Variants in ACACA observed in about 807,000 individuals in gnomAD.
ACACA encodes the protein acetyl-CoA carboxylase 1.
In ACACA, 103 loss-of-function variants were observed where a neutral mutation model predicts 296.1. The ratio of observed to expected loss-of-function variants is 0.35; its 90% confidence interval spans 0.30 to 0.41. The LOEUF (loss-of-function observed/expected upper bound fraction) is 0.41. ACACA is among the 10% of genes least tolerant of loss of function. ACACA has a pLI of 1.00. For missense variants in ACACA, 1,554 were observed against 2,989.7 expected (o/e 0.52, Z 11.20); for synonymous variants, 953 against 1,038.6 (o/e 0.92, Z 1.58).
At chr17:37,131,437 C>T (rs556499518) in intron 45 of ACACA, among the ~76,000 whole-genome samples, 1 of 152,128 alleles carries the variant, frequency 6.6e-6, no homozygotes, top group South Asian at 2.1e-4. Context: ...TAAGGTAGCC[C>T]CGGAGAGCTC....
chr17:37,381,787 C>G (rs576187865), intron 1 of ACACA, among the ~76,000 whole-genome samples: 2 of 151,894 alleles, frequency 1.3e-5, no homozygotes, highest in African/African-American at 4.8e-5. Context: ...GCCACCACAC[C>G]CAGTTAATTT....
intron 45 of ACACA, among the ~76,000 whole-genome samples, chr17:37,137,949 T>C (rs2075399809): frequency 6.6e-6 from 1 of 152,262 alleles, no homozygotes; most frequent in Non-Finnish European, 1.5e-5. Context: ...TTGCATCTTA[T>C]GCTGTTGGTT....
At chr17:37,295,413 G>T (rs902372827) in intron 3 of ACACA, among the ~76,000 whole-genome samples, 3 of 152,156 alleles carry the variant, frequency 2.0e-5, no homozygotes, top group African/African-American at 7.2e-5. Context: ...CAAGTTCTTG[G>T]TGTTTTGAAC....
intron 21 of ACACA, among the ~76,000 whole-genome samples, chr17:37,244,073 C>T (rs115223724): frequency 0.025 from 3,828 of 151,912 alleles, 85 homozygotes; most frequent in African/African-American, 0.055. Context: ...TTAAAAAGGA[C>T]TAATCACGGG....
chr17:37,190,807 G>C (rs77953349), intron 38 of ACACA, among the ~76,000 whole-genome samples: 1,743 of 152,154 alleles, frequency 0.011, 39 homozygotes, highest in African/African-American at 0.038. Flanking sequence ...ATACAAAACA[G>C]GACCACTATT....
chr17:37,103,958 C>T (rs1032843402), intron 52 of ACACA, among the ~76,000 whole-genome samples: 1 of 152,072 alleles, frequency 6.6e-6, no homozygotes, highest in Non-Finnish European at 1.5e-5. Context: ...GCAGGAGGAT[C>T]GCTGGAGCCC....
chr17:37,299,381 T>A, intron 3 of ACACA: 1 of 1,613,568 alleles, frequency 6.2e-7, no homozygotes, highest in Non-Finnish European at 8.5e-7. Flanking sequence ...TTCGGCCTTG[T>A]AAACACAAGC....
At chr17:37,171,919 A>G (rs572054341) in intron 41 of ACACA, among the ~76,000 whole-genome samples, 3 of 152,158 alleles carry the variant, frequency 2.0e-5, no homozygotes, top group Non-Finnish European at 2.9e-5. Context: ...CCCAGGATTA[A>G]TTGGTTGGTA....
chr17:37,213,282 G>T (rs2078837056), intron 29 of ACACA, among the ~76,000 whole-genome samples: 1 of 150,782 alleles, frequency 6.6e-6, no homozygotes, highest in African/African-American at 2.4e-5. Context: ...CTTGAGCCAG[G>T]AGGCTGAGGT....
intron 9 of ACACA, among the ~76,000 whole-genome samples, 199 bp downstream of exon 9, chr17:37,273,994 C>G: frequency 6.6e-6 from 1 of 152,182 alleles, no homozygotes; most frequent in Non-Finnish European, 1.5e-5. Flanking sequence ...GTCACTTCCT[C>G]AATCTGTACT....
intron 50 of ACACA, among the ~76,000 whole-genome samples, chr17:37,120,864 C>T (rs796386461): frequency 5.3e-5 from 8 of 152,294 alleles, no homozygotes; most frequent in African/African-American, 1.4e-4. Flanking sequence ...TATGCTGGAG[C>T]CACAGGCCCA....
At chr17:37,148,618 T>C (rs1043916526) in intron 45 of ACACA, among the ~76,000 whole-genome samples, 1 of 152,220 alleles carries the variant, frequency 6.6e-6, no homozygotes, top group Non-Finnish European at 1.5e-5. Flanking sequence ...AAACATAATA[T>C]CTGATACAAT....
At position 37,097,769 on chromosome 17, in the gene ACACA, C is replaced by T; in HGVS notation, c.6720+61G>A. On this transcript the variant is annotated intron_variant, in intron 53 of 55. Transcript: ENST00000616317. This position sits in a 1 kb window ranked among gnomAD's most constrained non-coding sequence, Gnocchi z 4.8. Reference sequence around the variant, plus strand: ...TCCCTGCTTATGAGCCTGTGTGCAACACACACACACACTTGCCCACATGTG... The same window carrying T: ...TCCCTGCTTATGAGCCTGTGTGCAATACACACACACACTTGCCCACATGTG... 1 of 1,391,568 alleles carries T rather than the reference C, an allele frequency of 7.2e-7. No individual in the cohort carries two copies. Among genetic ancestry groups the T allele is most frequent in the Non-Finnish European group, 1.0e-6 (1 of 1,003,530 alleles). The allele number at this position is 1,391,568 out of a possible 1,614,324, so 86.2% of individuals were successfully genotyped here. A position where few individuals can be genotyped will look rare whatever the true frequency, so the allele number is the denominator to read the frequency against.
chr17:37,289,644 G>A (rs765530497), intron 3 of ACACA: 58 of 541,846 alleles, frequency 1.1e-4, no homozygotes, highest in Non-Finnish European at 1.6e-4. Flanking sequence ...TGTGCTCTCC[G>A]GCAGTAATAT....
At chr17:37,132,731 C>T (rs180862645) in intron 45 of ACACA, among the ~76,000 whole-genome samples, 2 of 152,278 alleles carry the variant, frequency 1.3e-5, no homozygotes, top group East Asian at 3.9e-4. Context: ...GAATCTTACA[C>T]ATCTCCAAAA....
Position 37,129,451 on chromosome 17 carries a change from T to C in ACACA, c.5858A>G (p.Lys1953Arg). The C allele has an allele frequency of 6.2e-7, 1 of 1,614,116 alleles. No homozygotes were observed. The highest frequency in any genetic ancestry group is 1.1e-5 in the South Asian group (1 of 91,076). ...CTCGATGATTCTGTCTATAGGATCC[T>C]TTGAGTTCAGAAGAGGAACTGAACT... ...VHSSVPLLNS[K>R]DPIDRIIEFV... Residue 1953 changes from lysine to arginine, a missense_variant, in exon 47 of 56, where the codon AAG becomes AGG. By Grantham distance (26) the Lys-to-Arg change is conservative (BLOSUM62 2). Around this residue, in one of 16 missense-constraint regions of ACACA, gnomAD observed 553 missense variants for 1,043.6 expected, o/e 0.53. Coordinates refer to ENST00000616317, the MANE Select transcript of ACACA (RefSeq NM_198834.3).
Position 37,406,277 on chromosome 17 carries a change from G to T in ACACA, c.23C>A (p.Ser8Ter). 2 of 1,614,156 alleles carry T rather than the reference G, an allele frequency of 1.2e-6. No individual in the cohort carries two copies. Among genetic ancestry groups the T allele is most frequent in the Non-Finnish European group, 1.7e-6 (2 of 1,180,024 alleles). MWWSTLM[S>*]ILRARSFWKW... ...TGGGACATACCTAGCCCTCAAGATT[G>T]ACATCAGAGTAGACCACCACATCCT... is the stretch of plus-strand genomic sequence containing the variant. Residue 8 changes from serine (S) to a stop codon, truncating the protein, a stop_gained, in exon 1 of 56, where the codon TCA (serine) becomes TAA (stop). Coordinates refer to ENST00000616317, the MANE Select transcript of ACACA (RefSeq NM_198834.3). LOFTEE classifies it high-confidence loss of function.
At chr17:37,216,125 AACACACACACACACAC>A (rs745794412) in intron 29 of ACACA, among the ~76,000 whole-genome samples, 3 of 124,548 alleles carry the variant, frequency 2.4e-5, no homozygotes, top group Non-Finnish European at 4.9e-5. Flanking sequence ...TAAAAAAGGA[AACACACACACACACAC>A]ACACACACAC....
At chr17:37,087,479 A>C (rs761368207) in intron 55 of ACACA, 40 bp from the exon 56 acceptor site, 5 of 1,613,340 alleles carry the variant, frequency 3.1e-6, no homozygotes, top group Admixed American at 3.3e-5. Context: ...AAAGAGAAGC[A>C]GAAGTGTCTA....
Sources: gnomAD v4.1 joint callset for allele counts (sites outside exome capture counted in the v4.1 genomes callset) on GRCh38, gnomAD v4.1.1 for gene constraint, gnomAD v4.1.1 regional missense constraint, Gnocchi (gnomAD v3.1) non-coding constraint, MANE v1.5 for transcripts, NCBI Gene and HGNC (gene_info 2026-07-23, HGNC 2026-07-21) for gene names.